The following CDH13 variants were observed in gnomAD, a reference collection of about 807,000 sequenced individuals.
The protein encoded by CDH13 is cadherin-13.
In CDH13, 24 loss-of-function variants were observed where a neutral mutation model predicts 63.8. The observed-to-expected ratio is 0.38, with a 90% CI of 0.27 to 0.53. The LOEUF (loss-of-function observed/expected upper bound fraction) is 0.53, where lower values mean the gene tolerates loss of function less well. Ranked by LOEUF, CDH13 falls within the 20% of genes least tolerant of loss-of-function variation. The pLI is 0.85. For missense variants in CDH13, 1,049 were observed against 903.1 expected, an observed-to-expected ratio of 1.16 and a Z score of -2.07; for synonymous variants, 503 against 355.3, an observed-to-expected ratio of 1.42 and a Z score of -4.67.
At chr16:83,073,186 T>C (rs1179843606) in intron 3 of CDH13, among the ~76,000 whole-genome samples, 1 of 152,074 alleles carries the variant, frequency 6.6e-6, no homozygotes, top group East Asian at 1.9e-4. Context: ...CTAGTGATTG[T>C]GAAGCTTGGA....
At chr16:83,283,653 T>A (rs1247279761) in intron 5 of CDH13, among the ~76,000 whole-genome samples, 2 of 152,140 alleles carry the variant, frequency 1.3e-5, no homozygotes, top group African/African-American at 4.8e-5. Flanking sequence ...ACCTGAAATG[T>A]CCTTTAGTGT....
chr16:83,092,378 T>A (rs2033959275), intron 3 of CDH13, among the ~76,000 whole-genome samples: 1 of 152,246 alleles, frequency 6.6e-6, no homozygotes, highest in African/African-American at 2.4e-5. Flanking sequence ...CTGGGCTCCT[T>A]GTAGTGATGG....
At chr16:83,623,966 C>T (rs1342949238) in intron 8 of CDH13, among the ~76,000 whole-genome samples, 3 of 152,198 alleles carry the variant, frequency 2.0e-5, no homozygotes, top group African/African-American at 7.2e-5. Context: ...GAACAGAAAT[C>T]CACTTTCAAC....
chr16:82,639,523 A>T, intron 1 of CDH13: 1 of 1,176,640 alleles, frequency 8.5e-7, no homozygotes, highest in Non-Finnish European at 1.2e-6. Context: ...TAGGGATGCT[A>T]AGAAACCCTG....
intron 6 of CDH13, among the ~76,000 whole-genome samples, chr16:83,483,481 C>CAA (rs2073819718): frequency 1.7e-5 from 2 of 118,108 alleles, no homozygotes; most frequent in East Asian, 4.9e-4. Context: ...TTTTTTTTTT[C>CAA]TTCCTCTAAT....
At chr16:83,206,194 T>C (rs1321549212) in intron 4 of CDH13, among the ~76,000 whole-genome samples, 1 of 152,184 alleles carries the variant, frequency 6.6e-6, no homozygotes, top group African/African-American at 2.4e-5. Context: ...CTTCTTAATA[T>C]CACAACCATC....
At chr16:83,289,801 T>C (rs1042442715) in intron 5 of CDH13, among the ~76,000 whole-genome samples, 2 of 152,228 alleles carry the variant, frequency 1.3e-5, no homozygotes, top group Non-Finnish European at 2.9e-5. Context: ...TATGACAATG[T>C]CTATCATACA....
chr16:82,757,753 T>C (rs116847083), intron 1 of CDH13, among the ~76,000 whole-genome samples: 4,815 of 151,924 alleles, frequency 0.032, 84 homozygotes, highest in Middle Eastern at 0.051. Flanking sequence ...GCGATTATCC[T>C]GGCTCAGCTT....
intron 1 of CDH13, among the ~76,000 whole-genome samples, chr16:82,672,897 T>C (rs7187015): frequency 0.86 from 129,917 of 151,596 alleles, 55,959 homozygotes; most frequent in East Asian, 1. Flanking sequence ...TCACTGCCAC[T>C]TCTACCTCCT....
intron 4 of CDH13, 133 bp from the exon 5 acceptor site, chr16:83,217,210 TAG>T: frequency 1.3e-6 from 1 of 755,802 alleles, no homozygotes; most frequent in South Asian, 1.7e-5. Flanking sequence ...GCTGTTACTT[TAG>T]TCAAATCTGT....
chr16:83,793,866 G>A (rs1390627950), intron 13 of CDH13, among the ~76,000 whole-genome samples: 1 of 152,104 alleles, frequency 6.6e-6, no homozygotes, highest in Non-Finnish European at 1.5e-5. Flanking sequence ...ATTTTGAGAT[G>A]GGGAGAGTAT....
chr16:83,136,715 A>G (rs1192214104), intron 4 of CDH13, among the ~76,000 whole-genome samples: 38 of 152,066 alleles, frequency 2.5e-4, no homozygotes, highest in Non-Finnish European at 1.5e-5. Context: ...CCGCAGCCTG[A>G]ATGCAGACAG....
chr16:83,562,810 C>G (rs2075731464), intron 7 of CDH13, among the ~76,000 whole-genome samples: 2 of 152,124 alleles, frequency 1.3e-5, no homozygotes, highest in Non-Finnish European at 2.9e-5. Context: ...AAACTAATAA[C>G]AAACTTGGTA....
chr16:82,998,571 G>T (rs1482728162), intron 2 of CDH13, among the ~76,000 whole-genome samples: 1 of 151,972 alleles, frequency 6.6e-6, no homozygotes, highest in Non-Finnish European at 1.5e-5. Context: ...ACCTCTGCTT[G>T]GACCTTGTTT....
intron 3 of CDH13, among the ~76,000 whole-genome samples, chr16:83,041,725 C>T (rs920294565): frequency 1.3e-5 from 2 of 152,092 alleles, no homozygotes; most frequent in Admixed American, 6.6e-5. Flanking sequence ...AAATCAGAAA[C>T]GAATCACACA....
At chr16:82,724,132 G>T (rs1016795440) in intron 1 of CDH13, among the ~76,000 whole-genome samples, 2 of 152,000 alleles carry the variant, frequency 1.3e-5, no homozygotes, top group African/African-American at 4.8e-5. Flanking sequence ...AATTGTGCAG[G>T]GTAAAGAGGT....
chr16:83,147,277 T>C lies in CDH13; in HGVS notation c.483+21776T>C, dbSNP rs566294329. Among the ~76,000 whole-genome samples the C allele has an allele frequency of 3.3e-5, 5 of 152,324 alleles. 1 individual carries two copies. The South Asian group carries it at 8.3e-4, about 25-fold the overall frequency. ...TGTTTTCCACATCCACCTTCTTCCGTCCACCCTTTCCTGAAGGTCCGTGTG... is the reference window on the plus strand; with the variant it reads ...TGTTTTCCACATCCACCTTCTTCCGCCCACCCTTTCCTGAAGGTCCGTGTG... On this transcript the variant is annotated intron_variant, in intron 4 of 13. Transcript: ENST00000567109.
intron 2 of CDH13, among the ~76,000 whole-genome samples, chr16:82,948,984 A>G (rs959198848): frequency 6.6e-6 from 1 of 152,226 alleles, no homozygotes; most frequent in Non-Finnish European, 1.5e-5. Context: ...CAGTGACTGT[A>G]AACATCTTTC....
intron 5 of CDH13, among the ~76,000 whole-genome samples, chr16:83,218,847 G>A (rs906609367): frequency 5.9e-5 from 9 of 152,070 alleles, no homozygotes; most frequent in African/African-American, 1.4e-4. Context: ...AGTCTTTCTC[G>A]TGCTGTTCTC....
Sources: allele counts gnomAD v4.1 joint callset (sites outside exome capture counted in the v4.1 genomes callset), GRCh38; gene constraint gnomAD v4.1.1; transcripts MANE v1.5; gene names NCBI Gene and HGNC (gene_info 2026-07-23, HGNC 2026-07-21).